KCNQ5: variants seen among roughly 807,000 people sequenced by gnomAD.
KCNQ5 encodes potassium voltage-gated channel subfamily Q member 5.
A neutral mutation model predicts 98.2 loss-of-function variants in KCNQ5; 30 were observed. The ratio of observed to expected loss-of-function variants is 0.31; its 90% CI spans 0.23 to 0.41. The LOEUF (loss-of-function observed/expected upper bound fraction) is 0.41, where lower values mean the gene tolerates loss of function less well. Among genes scored for constraint, KCNQ5 ranks in the 10% least tolerant of loss-of-function variants. The pLI, the probability that KCNQ5 is intolerant of heterozygous loss-of-function variation, is 1.00. For missense variants in KCNQ5, 835 were observed against 1,182.5 expected (o/e 0.71, Z 4.31); for synonymous variants, 458 against 449.4 (o/e 1.02, Z -0.24).
chr6:72,967,312 A>C (rs1457896061), intron 1 of KCNQ5, among the ~76,000 whole-genome samples: 2 of 152,194 alleles, frequency 1.3e-5, no homozygotes, highest in African/African-American at 4.8e-5. Flanking sequence ...CTTCCTATGC[A>C]ATAACTTTTG....
At chr6:72,944,253 T>C (rs1019554273) in intron 1 of KCNQ5, among the ~76,000 whole-genome samples, 2 of 152,254 alleles carry the variant, frequency 1.3e-5, no homozygotes, top group Admixed American at 6.5e-5. Context: ...TTTTTTCTTA[T>C]ACCCTCTTTT....
chr6:73,163,494 C>T (rs1183532122), intron 10 of KCNQ5, among the ~76,000 whole-genome samples: 1 of 152,142 alleles, frequency 6.6e-6, no homozygotes, highest in Non-Finnish European at 1.5e-5. Flanking sequence ...CACCTGTAAT[C>T]CTAACACTTT....
intron 8 of KCNQ5, 101 bp downstream of exon 8, chr6:73,120,678 C>A: frequency 1.5e-6 from 1 of 650,978 alleles, no homozygotes. Context: ...TGTTTGGCTT[C>A]TCTTATTCTC....
intron 1 of KCNQ5, among the ~76,000 whole-genome samples, chr6:72,849,348 C>G (rs1777151682): frequency 6.6e-6 from 1 of 152,032 alleles, no homozygotes; most frequent in African/African-American, 2.4e-5. Flanking sequence ...ATTTTTAGTT[C>G]TTTGAGAAAT....
In KCNQ5 at chr6:72,887,185, T is replaced by A. The variant is rs118126950; in HGVS notation, c.399-116723T>A. Among the ~76,000 whole-genome samples the A allele has an allele frequency of 1.6e-4, 24 of 152,212 alleles. No homozygotes were observed. The South Asian group carries it at 1.7e-3, about 11-fold the overall frequency. On this transcript the variant is annotated intron_variant, in intron 1 of 13. Transcript: ENST00000370398. ...CTGCAGATAAAGACATACCTGAGACTAGAAAGAAAAAGATGTTTAGTGGAC... is the reference window on the plus strand; with the variant it reads ...CTGCAGATAAAGACATACCTGAGACAAGAAAGAAAAAGATGTTTAGTGGAC...
At chr6:72,671,999 G>A (rs1368176012) in intron 1 of KCNQ5, among the ~76,000 whole-genome samples, 1 of 150,756 alleles carries the variant, frequency 6.6e-6, no homozygotes, top group Non-Finnish European at 1.5e-5. Flanking sequence ...TGTATTTTTA[G>A]TAGAGACAGG....
intron 1 of KCNQ5, among the ~76,000 whole-genome samples, chr6:72,947,280 G>C (rs911947644): frequency 1.3e-5 from 2 of 152,054 alleles, no homozygotes; most frequent in Non-Finnish European, 2.9e-5. Flanking sequence ...ACAAATTTGA[G>C]GTCAGGCAGT....
intron 8 of KCNQ5, among the ~76,000 whole-genome samples, chr6:73,121,336 TAAA>T (rs113225446): frequency 7.2e-6 from 1 of 139,150 alleles, no homozygotes; most frequent in Non-Finnish European, 1.6e-5. Context: ...GATCTGTAAT[TAAA>T]AAAAAAAAAA....
At position 73,000,795 on chromosome 6, in the gene KCNQ5, A is replaced by G. The variant is rs549845842; in HGVS notation, c.399-3113A>G. On this transcript the variant is annotated intron_variant, in intron 1 of 13. Transcript: ENST00000370398. ...CTCACTACTCAGATCCATTCTATAC[A>G]CACTGCTGCCAACTTAATTTTCCCA... 2.0e-5 allele frequency among the ~76,000 whole-genome samples: 3 copies of G among 152,252 alleles called. No homozygotes were observed. The South Asian group carries it at 6.2e-4, about 32-fold the overall frequency.
intron 1 of KCNQ5, among the ~76,000 whole-genome samples, chr6:72,722,403 G>T (rs977406936): frequency 2.6e-5 from 4 of 152,100 alleles, no homozygotes; most frequent in Non-Finnish European, 4.4e-5. Context: ...GCAATTTATT[G>T]TGCATCCAGT....
chr6:72,784,814 G>A (rs923390446), intron 1 of KCNQ5, among the ~76,000 whole-genome samples: 8 of 152,192 alleles, frequency 5.3e-5, no homozygotes, highest in African/African-American at 1.4e-4. Flanking sequence ...ATCCTTATGT[G>A]CAGGAGAGAC....
intron 1 of KCNQ5, among the ~76,000 whole-genome samples, chr6:72,650,950 C>T (rs1428778636): frequency 4.0e-5 from 6 of 151,854 alleles, no homozygotes; most frequent in African/African-American, 1.5e-4. Flanking sequence ...ATTAAGGTTG[C>T]AAAGGGTCAG....
intron 1 of KCNQ5, among the ~76,000 whole-genome samples, chr6:72,826,243 T>C (rs1250989337): frequency 6.6e-6 from 1 of 152,158 alleles, no homozygotes; most frequent in East Asian, 1.9e-4. Context: ...CCAGTTACCC[T>C]TCCTGCAAGA....
chr6:73,101,453 A>G (rs939808659), intron 5 of KCNQ5, among the ~76,000 whole-genome samples: 1 of 152,218 alleles, frequency 6.6e-6, no homozygotes, highest in Non-Finnish European at 1.5e-5. Context: ...TTGGGAAGGA[A>G]GAAGTCAAGT....
intron 5 of KCNQ5, among the ~76,000 whole-genome samples, chr6:73,097,158 T>TATATATATATATATATATATATATAC (rs978966757): frequency 2.4e-4 from 35 of 146,990 alleles, no homozygotes; most frequent in African/African-American, 6.9e-4. Context: ...TATATATATA[T>TATATATATATATATATATATATATAC]ACACACACAC....
chr6:72,683,793 C>T (rs1345188416), intron 1 of KCNQ5, among the ~76,000 whole-genome samples: 2 of 150,974 alleles, frequency 1.3e-5, no homozygotes, highest in African/African-American at 4.9e-5. Context: ...AACTGCTTAC[C>T]AACTTACCAA....
chr6:73,003,870 A>C lies in KCNQ5; in HGVS notation c.399-38A>C, dbSNP rs756316679. The C allele has an allele frequency of 4.0e-5, 52 of 1,314,272 alleles. 1 individual carries two copies. Among genetic ancestry groups the C allele is most frequent in the Non-Finnish European group, 5.3e-5 (48 of 910,368 alleles). The allele number at this position is 1,314,272 out of a possible 1,614,324, so 81.4% of individuals were successfully genotyped here. On this transcript the variant is annotated intron_variant, in intron 1 of 13. Coordinates refer to ENST00000370398, the MANE Select transcript of KCNQ5 (RefSeq NM_019842.4). The stretch of plus-strand genomic sequence containing the variant: ...GAAATTAAGTCTGTGATAATAAGGT[A>C]AGGTTCTTATCAGATTTCTCTTTTT...
intron 3 of KCNQ5, among the ~76,000 whole-genome samples, chr6:73,070,691 A>T (rs917233015): frequency 4.6e-5 from 7 of 152,198 alleles, no homozygotes; most frequent in African/African-American, 1.7e-4. Context: ...GAAAGTGATA[A>T]GCCATATGTG....
At chr6:72,809,303 T>TA (rs1775119790) in intron 1 of KCNQ5, among the ~76,000 whole-genome samples, 1 of 146,498 alleles carries the variant, frequency 6.8e-6, no homozygotes, top group Non-Finnish European at 1.5e-5. Context: ...GATGACGAGT[T>TA]AGTGGGTGCA....
Sources: gnomAD v4.1 joint callset for allele counts (sites outside exome capture counted in the v4.1 genomes callset) on GRCh38, gnomAD v4.1.1 for gene constraint, MANE v1.5 for transcripts, NCBI Gene and HGNC (gene_info 2026-07-23, HGNC 2026-07-21) for gene names.